Variants in RORB observed in about 807,000 individuals in gnomAD.
RORB encodes the protein nuclear receptor ROR-beta.
RORB carries 6 observed loss-of-function variants against 59.1 expected under a neutral mutation model. That is an observed-to-expected ratio of 0.10 (90% CI 0.06 to 0.20). The LOEUF is 0.20. RORB is among the 10% of genes least tolerant of loss of function. The pLI is 1.00. For missense variants in RORB, 320 were observed against 560.5 expected, an observed-to-expected ratio of 0.57 and a Z score of 4.33; for synonymous variants, 215 against 204.5, an observed-to-expected ratio of 1.05 and a Z score of -0.44.
chr9:74,536,241 CG>C (rs1055560904), intron 1 of RORB, among the ~76,000 whole-genome samples: 1 of 151,004 alleles, frequency 6.6e-6, no homozygotes, highest in African/African-American at 2.4e-5. Flanking sequence ...TAAAAAAGGG[CG>C]GGGGCTAAAA....
At chr9:74,635,853 T>A (rs1156280935) in intron 3 of RORB, among the ~76,000 whole-genome samples, 1 of 151,562 alleles carries the variant, frequency 6.6e-6, no homozygotes, top group Admixed American at 6.6e-5. Context: ...ATACATTTAG[T>A]ATAAAGGGAT....
chr9:74,663,080 C>A (rs1164391265), intron 6 of RORB, among the ~76,000 whole-genome samples: 1 of 152,160 alleles, frequency 6.6e-6, no homozygotes, highest in Non-Finnish European at 1.5e-5. Context: ...CCCTAACACA[C>A]TGTCTGACAC....
At chr9:74,648,970 CTTT>C (rs1457915899) in intron 4 of RORB, among the ~76,000 whole-genome samples, 1 of 141,318 alleles carries the variant, frequency 7.1e-6, no homozygotes. Context: ...AAGATAGGTT[CTTT>C]TTTTTTTTTT....
At chr9:74,659,834 G>A (rs182291244) in intron 4 of RORB, among the ~76,000 whole-genome samples, 6 of 152,256 alleles carry the variant, frequency 3.9e-5, no homozygotes, top group African/African-American at 1.4e-4. Flanking sequence ...AATACAACTC[G>A]ATTGGGATAA....
At chr9:74,587,383 A>T (rs1822818193) in intron 1 of RORB, among the ~76,000 whole-genome samples, 1 of 152,160 alleles carries the variant, frequency 6.6e-6, no homozygotes, top group South Asian at 2.1e-4. Context: ...GAATTGCCAG[A>T]CTCCACAGAT....
chr9:74,565,301 G>T (rs1393887650), intron 1 of RORB, among the ~76,000 whole-genome samples: 1 of 152,142 alleles, frequency 6.6e-6, no homozygotes, highest in African/African-American at 2.4e-5. Context: ...TTTGAGAATT[G>T]CTAGAGAGAA....
At chr9:74,662,283 G>T (rs1408093204) in intron 5 of RORB, among the ~76,000 whole-genome samples, 191 bp from the exon 6 acceptor site, 1 of 151,976 alleles carries the variant, frequency 6.6e-6, no homozygotes, top group East Asian at 1.9e-4. Flanking sequence ...GCCTATTGAG[G>T]TCCAAACAGG....
At chr9:74,633,822 T>A (rs893095641) in intron 2 of RORB, among the ~76,000 whole-genome samples, 1 of 152,178 alleles carries the variant, frequency 6.6e-6, no homozygotes, top group Non-Finnish European at 1.5e-5. Flanking sequence ...TAGAGACCAT[T>A]CATTCAGTTT....
intron 1 of RORB, among the ~76,000 whole-genome samples, chr9:74,532,208 T>C (rs897223086): frequency 2.0e-5 from 3 of 152,010 alleles, no homozygotes; most frequent in Non-Finnish European, 4.4e-5. Context: ...ATAAGGGAAG[T>C]GACTAACAAT....
intron 4 of RORB, among the ~76,000 whole-genome samples, chr9:74,643,873 T>G (rs1270028487): frequency 6.6e-6 from 1 of 152,212 alleles, no homozygotes; most frequent in Non-Finnish European, 1.5e-5. Context: ...CTATTTAAGC[T>G]GGAGCAAGTT....
intron 9 of RORB, among the ~76,000 whole-genome samples, chr9:74,684,650 A>G (rs1824607124): frequency 6.6e-6 from 1 of 152,210 alleles, no homozygotes; most frequent in Admixed American, 6.5e-5. Flanking sequence ...CTTACATGAT[A>G]CATATATCAA....
At chr9:74,679,560 T>C (rs1197089080) in intron 9 of RORB, among the ~76,000 whole-genome samples, 1 of 152,198 alleles carries the variant, frequency 6.6e-6, no homozygotes, top group Admixed American at 6.5e-5. Context: ...GTTTTCTGCT[T>C]GAACCTGCAT....
intron 1 of RORB, among the ~76,000 whole-genome samples, chr9:74,613,405 G>A (rs968022748): frequency 2.0e-5 from 3 of 152,116 alleles, no homozygotes; most frequent in Non-Finnish European, 4.4e-5. Flanking sequence ...ATGACTATAG[G>A]TTCCCAGACC....
chr9:74,661,745 C>G (rs1010149262), intron 5 of RORB, among the ~76,000 whole-genome samples: 1 of 145,428 alleles, frequency 6.9e-6, no homozygotes, highest in Non-Finnish European at 1.5e-5. Context: ...CCCAGGTTCA[C>G]GCCATTCTCC....
chr9:74,509,927 C>T (rs1390360409), intron 1 of RORB, among the ~76,000 whole-genome samples: 2 of 152,042 alleles, frequency 1.3e-5, no homozygotes, highest in Non-Finnish European at 2.9e-5. Context: ...AACAATATTG[C>T]AATTTAATTT....
rs1822744383 is a variant in RORB at position 74,582,836 on chromosome 9, T to C, written c.8-47446T>C. On this transcript the variant is annotated intron_variant, in intron 1 of 9. Coordinates refer to ENST00000376896, the MANE Select transcript of RORB (RefSeq NM_006914.4). ...TCCTAAAGATCCTGTATGCATGAGA[T>C]AAACAGTAGTAGGATCTGAGTAGTG... is the stretch of plus-strand genomic sequence containing the variant. Among the ~76,000 whole-genome samples the C allele has an allele frequency of 3.3e-5, 5 of 152,278 alleles. No homozygotes were observed. The South Asian group carries it at 1.0e-3, about 32-fold the overall frequency.
chr9:74,686,593 T>C lies in RORB; in HGVS notation c.*975T>C, dbSNP rs17060415. On this transcript the variant is annotated 3_prime_UTR_variant, in exon 10 of 10. Coordinates refer to ENST00000376896, the MANE Select transcript of RORB (RefSeq NM_006914.4). The stretch of plus-strand genomic sequence containing the variant: ...ACAAGCTTGATTTCAGTGCTTATTG[T>C]GTCTTCAACTGAAAAATACAATCTG... The C allele has an allele frequency of 0.062, 9,410 of 152,280 alleles. 485 individuals carry two copies. The highest frequency in any genetic ancestry group is 0.29 in the East Asian group (1,503 of 5,168). The allele number at this position is 152,280 out of a possible 1,614,324, so 9.4% of individuals were successfully genotyped here. A position where few individuals can be genotyped will look rare whatever the true frequency, so the allele number is the denominator to read the frequency against.
At chr9:74,591,373 T>C (rs1029227577) in intron 1 of RORB, among the ~76,000 whole-genome samples, 1 of 152,220 alleles carries the variant, frequency 6.6e-6, no homozygotes, top group Non-Finnish European at 1.5e-5. Context: ...CAAAACATCA[T>C]GGTCTCCTCA....
At chr9:74,641,584 G>T (rs998227670) in intron 3 of RORB, among the ~76,000 whole-genome samples, 1 of 152,102 alleles carries the variant, frequency 6.6e-6, no homozygotes, top group Admixed American at 6.5e-5. Context: ...CCATGCCTTC[G>T]GTCTTACCCA....
Sources: allele counts gnomAD v4.1 joint callset (sites outside exome capture counted in the v4.1 genomes callset), GRCh38; gene constraint gnomAD v4.1.1; transcripts MANE v1.5; gene names NCBI Gene and HGNC (gene_info 2026-07-23, HGNC 2026-07-21).